Variants in POLR3GL observed in about 807,000 individuals in gnomAD.
POLR3GL encodes DNA-directed RNA polymerase III subunit RPC7-like.
POLR3GL carries 26 observed loss-of-function variants against 32.4 expected under a neutral mutation model. The observed-to-expected ratio is 0.80, with a 90% confidence interval of 0.59 to 1.11. The LOEUF is 1.11. Among genes scored for constraint, POLR3GL ranks in the 50% most tolerant of loss-of-function variants. The probability of loss-of-function intolerance (pLI) is 0.00; values close to 1 mark genes in which losing one functional copy is unlikely to be tolerated. For synonymous variants in POLR3GL, 95 were observed against 98.7 expected (o/e 0.96, Z 0.22); for missense variants, 229 against 280.1 (o/e 0.82, Z 1.30).
intron 1 of POLR3GL, among the ~76,000 whole-genome samples, chr1:145,969,997 G>T (rs1176843354): frequency 1.3e-5 from 2 of 150,846 alleles, no homozygotes; most frequent in African/African-American, 4.9e-5. Context: ...CAAATTAACC[G>T]TTGTTAATTT....
intron 1 of POLR3GL, among the ~76,000 whole-genome samples, chr1:145,965,349 T>G (rs1649970959): frequency 6.6e-6 from 1 of 152,168 alleles, no homozygotes; most frequent in Non-Finnish European, 1.5e-5. Context: ...CTAACATAAC[T>G]AGGGAACAAT....
chr1:145,977,398 C>G, intron 4 of POLR3GL, 85 bp from the exon 5 acceptor site: 1 of 1,359,870 alleles, frequency 7.4e-7, no homozygotes, highest in Non-Finnish European at 1.0e-6. Flanking sequence ...TCCTTTAAAA[C>G]CCTCACCCCC....
intron 7 of POLR3GL, 80 bp from the exon 8 acceptor site, chr1:145,978,281 G>T (rs2101945330): frequency 7.6e-7 from 1 of 1,320,116 alleles, no homozygotes; most frequent in South Asian, 1.2e-5. Flanking sequence ...GGAATGGTGT[G>T]ACTGAGAGGA....
chr1:145,970,915 A>G (rs1223187554), intron 1 of POLR3GL, among the ~76,000 whole-genome samples: 8 of 117,488 alleles, frequency 6.8e-5, no homozygotes, highest in African/African-American at 2.6e-4. Context: ...TGCCGGGCGC[A>G]GTGGCTCATG....
intron 1 of POLR3GL, among the ~76,000 whole-genome samples, chr1:145,968,737 A>C (rs1650148497): frequency 6.6e-6 from 1 of 151,716 alleles, no homozygotes; most frequent in African/African-American, 2.4e-5. Context: ...ACGCCTGGCT[A>C]ATTTTTTGTA....
chr1:145,978,283 C>T, intron 7 of POLR3GL, 78 bp from the exon 8 acceptor site: 1 of 1,330,446 alleles, frequency 7.5e-7, no homozygotes, highest in Non-Finnish European at 1.1e-6. Flanking sequence ...AATGGTGTGA[C>T]TGAGAGGAAA....
chr1:145,975,113 T>A (rs1559256163), intron 2 of POLR3GL, 122 bp downstream of exon 2: 2 of 1,333,100 alleles, frequency 1.5e-6, no homozygotes. Flanking sequence ...ATACTCCCAA[T>A]GCACAGGGAT....
chr1:145,973,840 A>G (rs782608639), intron 1 of POLR3GL, among the ~76,000 whole-genome samples: 14 of 151,442 alleles, frequency 9.2e-5, no homozygotes, highest in Non-Finnish European at 1.3e-4. Flanking sequence ...CTAAGATTCT[A>G]TGCTTCCAAG....
chr1:145,977,729 G>T lies in POLR3GL; in HGVS notation c.383-49G>T. 3 of 1,574,588 alleles carry T rather than the reference G, an allele frequency of 1.9e-6. No homozygotes were observed. In the South Asian group the frequency reaches 3.3e-5, roughly 17 times the overall value. Reference sequence around the variant, plus strand: ...TCTTTGCATGAGGATGGGCTATAAAGCTGGCAAAATTTGCTCTCTGAAGGT... The same window carrying T: ...TCTTTGCATGAGGATGGGCTATAAATCTGGCAAAATTTGCTCTCTGAAGGT... On this transcript the variant is annotated intron_variant, in intron 5 of 7. Transcript: ENST00000369314.
At chr1:145,970,259 C>T (rs1650218820) in intron 1 of POLR3GL, among the ~76,000 whole-genome samples, 1 of 152,130 alleles carries the variant, frequency 6.6e-6, no homozygotes. Context: ...GATCCTTCCA[C>T]CTCAGTCTCC....
At chr1:145,967,355 T>C (rs1431148543) in intron 1 of POLR3GL, among the ~76,000 whole-genome samples, 3 of 152,054 alleles carry the variant, frequency 2.0e-5, no homozygotes, top group African/African-American at 7.3e-5. Context: ...TTTGTATTTT[T>C]AGTAGAGACA....
chr1:145,975,550 C>A (rs1650513393), intron 3 of POLR3GL, 114 bp downstream of exon 3: 1 of 1,185,166 alleles, frequency 8.4e-7, no homozygotes, highest in Non-Finnish European at 1.2e-6. Context: ...CTGGGGAGAT[C>A]ATAATAGTTA....
At chr1:145,966,700 A>T (rs1433110541) in intron 1 of POLR3GL, among the ~76,000 whole-genome samples, 1 of 152,042 alleles carries the variant, frequency 6.6e-6, no homozygotes, top group East Asian at 1.9e-4. Flanking sequence ...GAGGCAGGAG[A>T]ATCACTTGAA....
rs587723856 is a variant in POLR3GL, at chr1:145,967,087, T to C, written c.-42+2319T>C. Among the ~76,000 whole-genome samples the C allele has an allele frequency of 2.6e-5, 4 of 152,140 alleles. No individual in the cohort carries two copies. The East Asian group carries it at 7.7e-4, about 29-fold the overall frequency. ...GTCTTTCCAGTGAGGTATGAGAGTG[T>C]CCATTTGAAAAAAAACTCATGACAG... is the stretch of plus-strand genomic sequence containing the variant. On this transcript the variant is annotated intron_variant, in intron 1 of 7. Coordinates refer to ENST00000369314, the MANE Select transcript of POLR3GL (RefSeq NM_032305.3).
Position 145,964,696 on chromosome 1 carries a change from C to CGG in POLR3GL, c.-114_-113insGG, listed in dbSNP as rs1553761811. ...AGCTCCGGGAGGCGGGCTTAGAACG[C>CGG]CACCGACTTGAGGAAGCCCAGTACA... On this transcript the variant is annotated 5_prime_UTR_variant, in exon 1 of 8. Coordinates refer to ENST00000369314, the MANE Select transcript of POLR3GL (RefSeq NM_032305.3). 1.3e-5 allele frequency: 2 copies of CGG among 152,240 alleles called. No individual in the cohort carries two copies. The highest frequency in any genetic ancestry group is 2.9e-5 in the Non-Finnish European group (2 of 68,070). 9.4% of individuals were successfully genotyped at this position (152,240 alleles called of 1,614,324 possible).
intron 3 of POLR3GL, among the ~76,000 whole-genome samples, chr1:145,976,718 T>C (rs1293642363): frequency 3.3e-5 from 5 of 150,106 alleles, no homozygotes; most frequent in African/African-American, 1.2e-4. Context: ...ATTGAGACCA[T>C]CCTGGCCAAC....
At chr1:145,970,681 G>T (rs1381341670) in intron 1 of POLR3GL, among the ~76,000 whole-genome samples, 2 of 151,150 alleles carry the variant, frequency 1.3e-5, no homozygotes, top group African/African-American at 4.9e-5. Flanking sequence ...AGACCAACCT[G>T]GCCAAGATGG....
At chr1:145,977,685 G>T (rs890445067) in intron 5 of POLR3GL, 93 bp from the exon 6 acceptor site, 8 of 1,349,986 alleles carry the variant, frequency 5.9e-6, no homozygotes, top group Non-Finnish European at 7.4e-6. Context: ...GGCCACATGA[G>T]GGCAGCAGAG....
intron 1 of POLR3GL, among the ~76,000 whole-genome samples, chr1:145,972,723 G>A (rs1489813860): frequency 1.3e-5 from 2 of 151,780 alleles, no homozygotes; most frequent in Non-Finnish European, 2.9e-5. Flanking sequence ...GTTTGAGACA[G>A]AGTCTTTACT....
Sources: allele counts gnomAD v4.1 joint callset (sites outside exome capture counted in the v4.1 genomes callset), GRCh38; gene constraint gnomAD v4.1.1; transcripts MANE v1.5; gene names NCBI Gene and HGNC (gene_info 2026-07-23, HGNC 2026-07-21).